Variants in MACF1 observed in about 807,000 individuals in gnomAD.
The protein encoded by MACF1 is microtubule actin crosslinking factor 1.
MACF1 carries 193 observed loss-of-function variants against 854.8 expected under a neutral mutation model. The ratio of observed to expected loss-of-function variants is 0.23; its 90% confidence interval spans 0.20 to 0.25. MACF1 has a LOEUF of 0.25. Among genes scored for constraint, MACF1 ranks in the 10% least tolerant of loss-of-function variants. The pLI is 1.00. For missense variants in MACF1, 7,722 were observed against 8,929.1 expected, an observed-to-expected ratio of 0.86 and a Z score of 5.45; for synonymous variants, 3,185 against 3,226.7, an observed-to-expected ratio of 0.99 and a Z score of 0.44.
intron 2 of MACF1, among the ~76,000 whole-genome samples, chr1:39,145,521 T>G (rs994129805): frequency 6.6e-5 from 10 of 152,038 alleles, no homozygotes; most frequent in African/African-American, 2.4e-4. Flanking sequence ...TCTCTGTGCT[T>G]TTTTTTTCTT....
In MACF1 at chr1:39,331,455, A is replaced by AT; in HGVS notation, c.4867_4868insT (p.Ser1623MetfsTer5). The AT allele has an allele frequency of 6.2e-7, 1 of 1,614,148 alleles. No individual in the cohort carries two copies. Among genetic ancestry groups the AT allele is most frequent in the Non-Finnish European group, 8.5e-7 (1 of 1,180,024 alleles). On this transcript the variant is annotated frameshift_variant, in exon 37 of 101. Transcript: ENST00000564288. LOFTEE classifies it high-confidence loss of function. ...GCTACAGGATGCCCTGGCCTTAATA[A>AT]GCAGGCTTACTGAGAGCAGAGGCCC...
intron 58 of MACF1, chr1:39,413,268 C>T (rs752414339): frequency 4.4e-6 from 7 of 1,606,624 alleles, no homozygotes; most frequent in Non-Finnish European, 5.9e-6. Context: ...AGGAGCCCGC[C>T]TCCCCAGCTG....
chr1:39,149,736 G>A (rs1427930697), intron 2 of MACF1, among the ~76,000 whole-genome samples: 2 of 20,584 alleles, frequency 9.7e-5, no homozygotes, highest in Non-Finnish European at 1.5e-4. Context: ...ATCCCAGCCC[G>A]ATATTTAAAG....
chr1:39,116,660 G>C (rs544033534), intron 2 of MACF1, among the ~76,000 whole-genome samples: 15 of 152,258 alleles, frequency 9.9e-5, no homozygotes, highest in African/African-American at 3.6e-4. Context: ...ACTCCTCTGG[G>C]AAGAAGCATA....
chr1:39,317,311 T>C lies in MACF1; in HGVS notation c.3686T>C (p.Leu1229Pro). 2 of 1,614,118 alleles carry C rather than the reference T, an allele frequency of 1.2e-6. No individual in the cohort carries two copies. The highest frequency in any genetic ancestry group is 1.7e-6 in the Non-Finnish European group (2 of 1,180,024). The change falls in exon 29 of 101, where the codon CTG becomes CCG. Residue 1229 changes from leucine to proline, a missense_variant. Transcript: ENST00000564288. ...GTAGTGGCAGAGCAGATGAGTCGTC[T>C]GACACCAGAGCGAAATCTGGATTTG... is the stretch of plus-strand genomic sequence containing the variant. ...AKVVAEQMSR[L>P]TPERNLDLER...
Position 39,414,081 on chromosome 1 carries a change from T to C in MACF1, c.15817-8293T>C, listed in dbSNP as rs760615615. 9 of 1,606,534 alleles carry C rather than the reference T, an allele frequency of 5.6e-6. No homozygotes were observed. In the Admixed American group the frequency reaches 1.4e-4, roughly 24 times the overall value. ...CAGAGGAACTCAGTTCCCCAGCAGC[T>C]TCAGTGCCCACCCCCGAGGAGCCTG... On this transcript the variant is annotated intron_variant, in intron 58 of 100. Transcript: ENST00000564288.
chr1:39,411,768 A>C (rs1643017695), intron 58 of MACF1: 1 of 1,613,848 alleles, frequency 6.2e-7, no homozygotes. Context: ...CCCAGGATGC[A>C]GAAAATTTAC....
At chr1:39,291,550 A>C (rs1456728449) in intron 15 of MACF1, among the ~76,000 whole-genome samples, 1 of 152,234 alleles carries the variant, frequency 6.6e-6, no homozygotes, top group African/African-American at 2.4e-5. Flanking sequence ...CTTCTTTGTT[A>C]TATCAGTTAT....
chr1:39,285,887 T>C, intron 14 of MACF1, 129 bp downstream of exon 14: 2 of 981,724 alleles, frequency 2.0e-6, no homozygotes, highest in Non-Finnish European at 3.0e-6. Flanking sequence ...TCAATGGGGA[T>C]ACTACAGGTC....
intron 50 of MACF1, among the ~76,000 whole-genome samples, chr1:39,369,092 C>A (rs1649000297): frequency 6.6e-6 from 1 of 150,546 alleles, no homozygotes; most frequent in Non-Finnish European, 1.5e-5. Flanking sequence ...ACTGCCTTGG[C>A]CTCCCAAAGT....
intron 2 of MACF1, among the ~76,000 whole-genome samples, chr1:39,192,041 C>T (rs1644260395): frequency 1.3e-5 from 2 of 152,132 alleles, no homozygotes; most frequent in Admixed American, 6.5e-5. Flanking sequence ...ATCCCAGCTA[C>T]TCAGGAGACT....
chr1:39,443,896 G>C (rs976452464), intron 79 of MACF1, among the ~76,000 whole-genome samples: 6 of 152,134 alleles, frequency 3.9e-5, no homozygotes, highest in Admixed American at 1.3e-4. Flanking sequence ...AACTACTTAA[G>C]GGGGGTTTAG....
intron 58 of MACF1, among the ~76,000 whole-genome samples, chr1:39,406,158 T>C (rs1642690546): frequency 6.6e-6 from 1 of 152,182 alleles, no homozygotes; most frequent in Non-Finnish European, 1.5e-5. Flanking sequence ...GTGGGAGGAT[T>C]AGATTACTAT....
intron 2 of MACF1, among the ~76,000 whole-genome samples, chr1:39,095,298 C>T (rs910310368): frequency 2.6e-5 from 4 of 152,036 alleles, no homozygotes; most frequent in African/African-American, 4.8e-5. Context: ...TGCGGTGGCT[C>T]ACGCCTGTAA....
At chr1:39,406,351 A>G (rs1234468868) in intron 58 of MACF1, among the ~76,000 whole-genome samples, 3 of 152,072 alleles carry the variant, frequency 2.0e-5, no homozygotes, top group East Asian at 1.9e-4. Flanking sequence ...CATGGGAGGG[A>G]ATTATTTAAG....
chr1:39,188,977 A>G (rs767823375), intron 2 of MACF1, among the ~76,000 whole-genome samples: 2 of 152,164 alleles, frequency 1.3e-5, no homozygotes, highest in Non-Finnish European at 2.9e-5. Context: ...AGCTCAGGTG[A>G]TCCACCTGCT....
chr1:39,140,744 G>A (rs759778898), intron 2 of MACF1, among the ~76,000 whole-genome samples: 5 of 151,600 alleles, frequency 3.3e-5, no homozygotes, highest in Admixed American at 6.6e-5. Flanking sequence ...GTGAAACCCC[G>A]TCTCTACTAA....
At position 39,454,917 on chromosome 1, in the gene MACF1, A is replaced by G. The variant is rs888568806; in HGVS notation, c.20895A>G (p.Thr6965=). 38 of 1,613,804 alleles carry G rather than the reference A, an allele frequency of 2.4e-5. No individual in the cohort carries two copies. Among genetic ancestry groups the G allele is most frequent in the African/African-American group, 4.0e-5 (3 of 74,920 alleles). The change falls in exon 89 of 101, where the codon ACA becomes ACG. Residue 6965 remains threonine, a synonymous_variant. Coordinates refer to ENST00000564288, the MANE Select transcript of MACF1 (RefSeq NM_001394062.1). ...TCCTTCTTTTTCCACAGGTCCTGACATGGGCTAAGCAGCACCAGCAGCGTC... is the reference window on the plus strand; with the variant it reads ...TCCTTCTTTTTCCACAGGTCCTGACGTGGGCTAAGCAGCACCAGCAGCGTC... ...IIRARFEEVL[T]WAKQHQQRLE...
chr1:39,318,641 G>C, intron 30 of MACF1, 26 bp downstream of exon 30: 6 of 1,547,420 alleles, frequency 3.9e-6, no homozygotes, highest in Non-Finnish European at 4.4e-6. Flanking sequence ...GCTCTGGCGA[G>C]AAGAGTTAGA....
Sources: gnomAD v4.1 joint callset for allele counts (sites outside exome capture counted in the v4.1 genomes callset) on GRCh38, gnomAD v4.1.1 for gene constraint, MANE v1.5 for transcripts, NCBI Gene and HGNC (gene_info 2026-07-23, HGNC 2026-07-21) for gene names.